The following AUTS2 variants were observed in gnomAD, a reference collection of about 807,000 sequenced individuals.
AUTS2 encodes the protein activator of transcription and developmental regulator AUTS2.
AUTS2 carries 17 observed loss-of-function variants against 112.4 expected under a neutral mutation model. The observed-to-expected ratio is 0.15, with a 90% confidence interval of 0.10 to 0.23. The LOEUF (loss-of-function observed/expected upper bound fraction) is 0.23. AUTS2 is among the 10% of genes least tolerant of loss of function. The pLI is 1.00. For synonymous variants in AUTS2, 751 were observed against 702.7 expected (o/e 1.07, Z -1.09); for missense variants, 1,510 against 1,701.6 (o/e 0.89, Z 1.98).
intron 4 of AUTS2, among the ~76,000 whole-genome samples, chr7:70,265,191 A>T (rs1369660049): frequency 6.6e-6 from 1 of 152,210 alleles, no homozygotes; most frequent in African/African-American, 2.4e-5. Flanking sequence ...CTCGCTGCTA[A>T]TTCTTATAGG....
At chr7:69,804,413 A>G (rs542002791) in intron 1 of AUTS2, among the ~76,000 whole-genome samples, 5 of 152,340 alleles carry the variant, frequency 3.3e-5, no homozygotes, top group Admixed American at 2.0e-4. Context: ...AGTGGCTCCT[A>G]TAGCATGTCA....
At chr7:69,637,952 A>G (rs1794623919) in intron 1 of AUTS2, among the ~76,000 whole-genome samples, 1 of 152,262 alleles carries the variant, frequency 6.6e-6, no homozygotes. Flanking sequence ...TGAATAGAAT[A>G]GATACACAGG....
chr7:70,536,455 C>T (rs563165336), intron 5 of AUTS2, among the ~76,000 whole-genome samples: 20 of 151,476 alleles, frequency 1.3e-4, no homozygotes, highest in Admixed American at 4.6e-4. Flanking sequence ...TGGCCTTTCT[C>T]ATTGGTCCTC....
chr7:70,334,344 G>T (rs888054173), intron 4 of AUTS2, among the ~76,000 whole-genome samples: 7 of 152,134 alleles, frequency 4.6e-5, no homozygotes, highest in African/African-American at 1.7e-4. Flanking sequence ...ATTTGAGATG[G>T]TCCTGTGGTA....
chr7:69,659,993 C>A (rs764117371), intron 1 of AUTS2, among the ~76,000 whole-genome samples: 2 of 152,156 alleles, frequency 1.3e-5, no homozygotes, highest in African/African-American at 2.4e-5. Flanking sequence ...TTTAGAGGGA[C>A]TTCAGAGGAT....
intron 1 of AUTS2, among the ~76,000 whole-genome samples, chr7:69,859,662 A>G (rs1792888497): frequency 6.6e-6 from 1 of 152,190 alleles, no homozygotes; most frequent in African/African-American, 2.4e-5. Context: ...AAGATTTGTT[A>G]TGAGCTAGTT....
intron 1 of AUTS2, among the ~76,000 whole-genome samples, chr7:69,652,080 C>T (rs1423888068): frequency 6.6e-6 from 1 of 152,120 alleles, no homozygotes; most frequent in African/African-American, 2.4e-5. Context: ...GTAGGAGACA[C>T]CATAATGGCC....
At chr7:70,744,134 A>T (rs1788292178) in intron 6 of AUTS2, among the ~76,000 whole-genome samples, 1 of 152,094 alleles carries the variant, frequency 6.6e-6, no homozygotes, top group African/African-American at 2.4e-5. Flanking sequence ...TCCTCGGGGG[A>T]TGTTTGGATT....
At chr7:70,164,986 A>T (rs980996488) in intron 4 of AUTS2, among the ~76,000 whole-genome samples, 2 of 152,202 alleles carry the variant, frequency 1.3e-5, no homozygotes, top group Non-Finnish European at 2.9e-5. Context: ...CAATATACAT[A>T]AATCGTGATG....
chr7:70,479,535 G>A lies in AUTS2; in HGVS notation c.690+43754G>A, dbSNP rs540624546. ...GTAGCCTAGACACCGTGGAGCAGAC[G>A]TTACTGATGATGCATTGAACAGCTC... On this transcript the variant is annotated intron_variant, in intron 5 of 18. Transcript: ENST00000342771. Among the ~76,000 whole-genome samples the A allele has an allele frequency of 3.9e-5, 6 of 152,222 alleles. No homozygotes were observed. The South Asian group carries it at 1.0e-3, about 26-fold the overall frequency.
intron 1 of AUTS2, among the ~76,000 whole-genome samples, chr7:69,848,505 T>C (rs761924557): frequency 6.6e-6 from 1 of 152,188 alleles, no homozygotes; most frequent in Non-Finnish European, 1.5e-5. Context: ...TGTGTGTGTG[T>C]GCACACACAC....
chr7:70,766,547 C>T lies in AUTS2; in HGVS notation c.1689+213C>T, dbSNP rs1789959213. On this transcript the variant is annotated intron_variant, in intron 9 of 18. Transcript: ENST00000342771. This position sits in a 1 kb window ranked among gnomAD's most constrained non-coding sequence, Gnocchi z 4.8. ...GGAACTTCTTTCTAGGCAGTTGTATCCAGCACTGCGGGCGGAAATGATTCC... is the reference window on the plus strand; with the variant it reads ...GGAACTTCTTTCTAGGCAGTTGTATTCAGCACTGCGGGCGGAAATGATTCC... 6.6e-6 allele frequency among the ~76,000 whole-genome samples: 1 copy of T among 152,182 alleles called. No individual in the cohort carries two copies. Among genetic ancestry groups the T allele is most frequent in the Non-Finnish European group, 1.5e-5 (1 of 68,036 alleles).
chr7:69,849,829 A>G (rs1016196619), intron 1 of AUTS2, among the ~76,000 whole-genome samples: 2 of 152,144 alleles, frequency 1.3e-5, no homozygotes, highest in African/African-American at 4.8e-5. Context: ...GAGTTTGTTT[A>G]ATCATTCGCT....
At chr7:69,835,280 T>A (rs1173277825) in intron 1 of AUTS2, among the ~76,000 whole-genome samples, 2 of 152,122 alleles carry the variant, frequency 1.3e-5, no homozygotes, top group African/African-American at 4.8e-5. Flanking sequence ...ATTAAAATAA[T>A]GTCCTTAACC....
chr7:69,667,042 A>G (rs1554343600), intron 1 of AUTS2, among the ~76,000 whole-genome samples: 3 of 152,194 alleles, frequency 2.0e-5, no homozygotes, highest in Non-Finnish European at 4.4e-5. Context: ...GAGAAATCCA[A>G]GGTTGAGGGG....
intron 4 of AUTS2, among the ~76,000 whole-genome samples, chr7:70,420,708 T>C (rs947020126): frequency 2.6e-5 from 4 of 152,104 alleles, no homozygotes; most frequent in African/African-American, 9.7e-5. Flanking sequence ...TACTGTATGG[T>C]TCCATTTATG....
intron 2 of AUTS2, among the ~76,000 whole-genome samples, chr7:69,997,004 T>C (rs1404884090): frequency 6.9e-6 from 1 of 144,792 alleles, no homozygotes; most frequent in Non-Finnish European, 1.5e-5. Flanking sequence ...TACATCAGCA[T>C]ATTTTCAGGG....
At chr7:70,697,660 A>G (rs1227128707) in intron 5 of AUTS2, among the ~76,000 whole-genome samples, 1 of 149,526 alleles carries the variant, frequency 6.7e-6, no homozygotes, top group Non-Finnish European at 1.5e-5. Flanking sequence ...AGTGTGAAAG[A>G]TGAGTGATTT....
At chr7:70,076,143 T>C (rs940446025) in intron 2 of AUTS2, among the ~76,000 whole-genome samples, 1 of 152,246 alleles carries the variant, frequency 6.6e-6, no homozygotes, top group Admixed American at 6.5e-5. Flanking sequence ...GTACCTGATA[T>C]ATTCTATTCT....
Sources: gnomAD v4.1 joint callset for allele counts (sites outside exome capture counted in the v4.1 genomes callset) on GRCh38, gnomAD v4.1.1 for gene constraint, Gnocchi (gnomAD v3.1) non-coding constraint, MANE v1.5 for transcripts, NCBI Gene and HGNC (gene_info 2026-07-23, HGNC 2026-07-21) for gene names.